Variants in RHBDL3 observed in about 807,000 individuals in gnomAD.
RHBDL3 encodes rhomboid like 3, also known as rhomboid-related protein 3.
A neutral mutation model predicts 48.2 loss-of-function variants in RHBDL3; 28 were observed. The ratio of observed to expected loss-of-function variants is 0.58; its 90% CI spans 0.43 to 0.80. The LOEUF is 0.80. Ranked by LOEUF, RHBDL3 falls within the 30% of genes least tolerant of loss-of-function variation. RHBDL3 has a pLI of 0.00. For synonymous variants in RHBDL3, 208 were observed against 232.3 expected (o/e 0.90, Z 0.95); for missense variants, 464 against 542.7 (o/e 0.85, Z 1.44).
chr17:32,314,382 T>A (rs1229082076), intron 7 of RHBDL3, among the ~76,000 whole-genome samples: 1 of 151,844 alleles, frequency 6.6e-6, no homozygotes, highest in East Asian at 1.9e-4. Context: ...ATCGCTTTTT[T>A]TTATTTTTAT....
At chr17:32,317,443 A>G (rs1193908297) in intron 8 of RHBDL3, among the ~76,000 whole-genome samples, 4 of 152,192 alleles carry the variant, frequency 2.6e-5, no homozygotes, top group African/African-American at 7.2e-5. Flanking sequence ...AGATGTCTTC[A>G]GGGCCCTAGT....
chr17:32,316,380 T>A, intron 8 of RHBDL3, 88 bp downstream of exon 8: 1 of 996,144 alleles, frequency 1.0e-6, no homozygotes, highest in Non-Finnish European at 1.6e-6. Context: ...TTCACGGGCT[T>A]ATGGTCAAGA....
intron 2 of RHBDL3, among the ~76,000 whole-genome samples, chr17:32,275,459 A>G (rs1439496683): frequency 1.3e-5 from 2 of 152,176 alleles, no homozygotes; most frequent in Non-Finnish European, 2.9e-5. Flanking sequence ...GGAGTCCCCC[A>G]GGGGCGGGAA....
intron 2 of RHBDL3, among the ~76,000 whole-genome samples, chr17:32,283,391 A>C (rs185639851): frequency 0.026 from 3,432 of 134,354 alleles, 59 homozygotes; most frequent in South Asian, 0.067. Context: ...GCGTGATCTC[A>C]GCTCACTGCA....
At position 32,323,686 on chromosome 17, in the gene RHBDL3, G is replaced by C. The variant is rs2041194777; in HGVS notation, c.*2457G>C. On this transcript the variant is annotated 3_prime_UTR_variant, in exon 9 of 9. Transcript: ENST00000269051. ...CTTGTTACTGAGAAGGACAGTGGAG[G>C]CGGAATCGTGTCTCCCACCATGTTA... 6.6e-6 allele frequency: 1 copy of C among 152,196 alleles called. No individual in the cohort carries two copies. The highest frequency in any genetic ancestry group is 6.5e-5 in the Admixed American group (1 of 15,276). 9.4% of individuals were successfully genotyped at this position (152,196 alleles called of 1,614,324 possible).
Position 32,314,177 on chromosome 17 carries a change from A to G in RHBDL3, c.883-2055A>G, listed in dbSNP as rs545295897. On this transcript the variant is annotated intron_variant, in intron 7 of 8. Transcript: ENST00000269051. ...ATTAGACTTTCTACCTAAAAAGGGA[A>G]GGCAGGTGGCTCACCTCACCTTCTG... is the stretch of plus-strand genomic sequence containing the variant. Among the ~76,000 whole-genome samples the G allele has an allele frequency of 2.2e-3, 341 of 152,282 alleles. 1 individual carries two copies. Among genetic ancestry groups the G allele is most frequent in the Non-Finnish European group, 4.0e-3 (274 of 68,012 alleles).
At chr17:32,292,677 G>A (rs888290737) in intron 4 of RHBDL3, among the ~76,000 whole-genome samples, 4 of 151,706 alleles carry the variant, frequency 2.6e-5, no homozygotes, top group African/African-American at 9.7e-5. Context: ...GGTGGCACAC[G>A]TCTAATCCCA....
intron 5 of RHBDL3, among the ~76,000 whole-genome samples, chr17:32,296,257 A>G (rs2040444686): frequency 1.3e-5 from 2 of 150,894 alleles, no homozygotes; most frequent in African/African-American, 4.9e-5. Context: ...AAAAAAAAAA[A>G]AGAAAAAAGA....
chr17:32,276,336 G>A (rs1478578332), intron 2 of RHBDL3, among the ~76,000 whole-genome samples: 1 of 152,158 alleles, frequency 6.6e-6, no homozygotes, highest in Admixed American at 6.5e-5. Flanking sequence ...CTCTATGGGT[G>A]AATTAGCATC....
At chr17:32,299,159 T>C (rs561972820) in intron 6 of RHBDL3, among the ~76,000 whole-genome samples, 3 of 151,452 alleles carry the variant, frequency 2.0e-5, no homozygotes, top group African/African-American at 4.8e-5. Context: ...TTCTGAGTGG[T>C]ATTAAAGTTG....
At chr17:32,282,076 A>G (rs1226671447) in intron 2 of RHBDL3, among the ~76,000 whole-genome samples, 1 of 152,224 alleles carries the variant, frequency 6.6e-6, no homozygotes, top group Non-Finnish European at 1.5e-5. Flanking sequence ...AGTCAAAGAC[A>G]TTATATGCAT....
At chr17:32,312,526 G>T (rs1232075014) in intron 7 of RHBDL3, among the ~76,000 whole-genome samples, 1 of 151,952 alleles carries the variant, frequency 6.6e-6, no homozygotes, top group Non-Finnish European at 1.5e-5. Flanking sequence ...TTTTTGTTTT[G>T]TTGTTGTTTT....
intron 3 of RHBDL3, among the ~76,000 whole-genome samples, chr17:32,285,803 A>C (rs1179956139): frequency 1.3e-5 from 2 of 152,170 alleles, no homozygotes; most frequent in African/African-American, 4.8e-5. Context: ...CCAGACTCCT[A>C]AATTCAAAGG....
intron 8 of RHBDL3, among the ~76,000 whole-genome samples, chr17:32,317,930 C>T (rs1432251995): frequency 4.0e-5 from 6 of 151,646 alleles, no homozygotes; most frequent in East Asian, 3.9e-4. Context: ...AGGTAGGGGT[C>T]GGGCAGTGTG....
At chr17:32,305,545 CCT>C in intron 7 of RHBDL3, 104 bp downstream of exon 7, 1 of 804,928 alleles carries the variant, frequency 1.2e-6, no homozygotes, top group Non-Finnish European at 2.2e-6. Context: ...ACCAGGCAGA[CCT>C]GACCTGGAGC....
At chr17:32,306,390 C>T (rs995192972) in intron 7 of RHBDL3, among the ~76,000 whole-genome samples, 1 of 152,214 alleles carries the variant, frequency 6.6e-6, no homozygotes, top group Non-Finnish European at 1.5e-5. Flanking sequence ...CACCACTGCA[C>T]TCCAGCCTGG....
chr17:32,302,600 C>T (rs1459625918), intron 6 of RHBDL3, among the ~76,000 whole-genome samples: 2 of 151,682 alleles, frequency 1.3e-5, no homozygotes, highest in East Asian at 3.9e-4. Flanking sequence ...AGATTGGTCT[C>T]GAACTCCTGA....
Position 32,309,500 on chromosome 17 carries a change from C to T in RHBDL3, c.882+4059C>T, listed in dbSNP as rs549074658. Among the ~76,000 whole-genome samples the T allele has an allele frequency of 8.6e-5, 13 of 151,930 alleles. 1 individual carries two copies. In the South Asian group the frequency reaches 1.5e-3, roughly 17 times the overall value. On this transcript the variant is annotated intron_variant, in intron 7 of 8. Transcript: ENST00000269051. ...CCAGGAGGTGGAGGTTGTGGTGAGC[C>T]GAGATCACGCCATTGCACTCCAACC...
chr17:32,306,818 G>A (rs759608413), intron 7 of RHBDL3, among the ~76,000 whole-genome samples: 7 of 152,100 alleles, frequency 4.6e-5, no homozygotes, highest in Non-Finnish European at 7.4e-5. Flanking sequence ...CTACTCCAGA[G>A]GCTGTGGCTG....
Sources: gnomAD v4.1 joint callset for allele counts (sites outside exome capture counted in the v4.1 genomes callset) on GRCh38, gnomAD v4.1.1 for gene constraint, MANE v1.5 for transcripts, NCBI Gene and HGNC (gene_info 2026-07-23, HGNC 2026-07-21) for gene names.